The following SEZ6L variants were observed in gnomAD, a reference collection of about 807,000 sequenced individuals.
SEZ6L encodes seizure 6-like protein.
A neutral mutation model predicts 106.2 loss-of-function variants in SEZ6L; 37 were observed. The ratio of observed to expected loss-of-function variants is 0.35; its 90% CI spans 0.27 to 0.46. The LOEUF (loss-of-function observed/expected upper bound fraction) is 0.46, where lower values mean the gene tolerates loss of function less well. Ranked by LOEUF, SEZ6L falls within the 20% of genes least tolerant of loss-of-function variation. The pLI, the probability that SEZ6L is intolerant of heterozygous loss-of-function variation, is 1.00. For missense variants in SEZ6L, 1,172 were observed against 1,332.8 expected, an observed-to-expected ratio of 0.88 and a Z score of 1.88; for synonymous variants, 541 against 570.4, an observed-to-expected ratio of 0.95 and a Z score of 0.73.
Position 26,284,624 on chromosome 22 carries a change from A to C in SEZ6L, c.95-7782A>C, listed in dbSNP as rs2080875452. ...GACTCCAAAAAAAAAAAAAAAAAAA[A>C]AAAAAAAACCCTAATGACGGTTTAA... On this transcript the variant is annotated intron_variant, in intron 1 of 16. Coordinates refer to ENST00000248933, the MANE Select transcript of SEZ6L (RefSeq NM_021115.5). Among the ~76,000 whole-genome samples, 3 of 137,766 alleles carry C rather than the reference A, an allele frequency of 2.2e-5. 1 individual carries two copies. Among genetic ancestry groups the C allele is most frequent in the South Asian group, 2.2e-4 (1 of 4,570 alleles). The allele number at this position is 137,766 out of a possible 152,430, so 90.4% of individuals were successfully genotyped here. A position where few individuals can be genotyped will look rare whatever the true frequency, so the allele number is the denominator to read the frequency against.
intron 1 of SEZ6L, among the ~76,000 whole-genome samples, chr22:26,289,117 A>T (rs891141506): frequency 2.0e-5 from 3 of 152,194 alleles, no homozygotes; most frequent in African/African-American, 7.2e-5. Context: ...AGAGAAGAGG[A>T]GACCCATGCA....
intron 1 of SEZ6L, among the ~76,000 whole-genome samples, chr22:26,277,248 G>C (rs2080579275): frequency 6.6e-6 from 1 of 152,046 alleles, no homozygotes; most frequent in Admixed American, 6.5e-5. Context: ...ACAGGTGTGA[G>C]CCACTGCACC....
intron 12 of SEZ6L, chr22:26,351,548 G>GTTTGTTT (rs1569475128): frequency 2.0e-4 from 44 of 224,470 alleles, no homozygotes; most frequent in African/African-American, 7.3e-4. Context: ...TTTGTTTGTT[G>GTTTGTTT]GTTGGTTGGT....
At chr22:26,199,279 C>T (rs1394072920) in intron 1 of SEZ6L, among the ~76,000 whole-genome samples, 2 of 152,158 alleles carry the variant, frequency 1.3e-5, no homozygotes, top group Non-Finnish European at 2.9e-5. Flanking sequence ...GAACCCAGGG[C>T]CTGTTGCTTA....
chr22:26,202,220 G>C (rs1025124784), intron 1 of SEZ6L, among the ~76,000 whole-genome samples: 1 of 152,122 alleles, frequency 6.6e-6, no homozygotes, highest in East Asian at 1.9e-4. Context: ...GGCCAAGTCA[G>C]ATTTTTTTAT....
intron 1 of SEZ6L, among the ~76,000 whole-genome samples, chr22:26,279,371 G>A (rs1257215719): frequency 6.6e-6 from 1 of 152,158 alleles, no homozygotes; most frequent in African/African-American, 2.4e-5. Flanking sequence ...AGGAAGAGGA[G>A]GGCTGGGGAT....
intron 9 of SEZ6L, among the ~76,000 whole-genome samples, chr22:26,336,356 G>T (rs1271664965): frequency 6.6e-6 from 1 of 152,174 alleles, no homozygotes; most frequent in African/African-American, 2.4e-5. Context: ...AAAATGCACA[G>T]TGAAACCTGC....
At chr22:26,329,523 A>C (rs2082417882) in intron 9 of SEZ6L, among the ~76,000 whole-genome samples, 1 of 152,242 alleles carries the variant, frequency 6.6e-6, no homozygotes, top group Non-Finnish European at 1.5e-5. Context: ...GTGTCCTATT[A>C]GGGAGCCAAA....
chr22:26,347,691 A>T (rs781230029), intron 10 of SEZ6L, 28 bp from the exon 11 acceptor site: 1 of 1,581,868 alleles, frequency 6.3e-7, no homozygotes, highest in South Asian at 1.2e-5. Context: ...TGCTTCCCCC[A>T]TCTAAGACTG....
chr22:26,302,782 C>A (rs2081496284), intron 5 of SEZ6L, among the ~76,000 whole-genome samples: 1 of 152,168 alleles, frequency 6.6e-6, no homozygotes, highest in Non-Finnish European at 1.5e-5. Context: ...GGATGGGGAG[C>A]CACGGCTGGC....
At position 26,377,782 on chromosome 22, in the gene SEZ6L, T is replaced by C. The variant is rs1215828478; in HGVS notation, c.3045+7T>C. The C allele has an allele frequency of 6.3e-7, 1 of 1,591,238 alleles. No homozygotes were observed. The highest frequency in any genetic ancestry group is 8.6e-7 in the Non-Finnish European group (1 of 1,159,304). ...CCCCATTTACGAGACAGGGGTGAGT[T>C]GGTCTCTCTCGTCTCTTCCCAATTC... is the stretch of plus-strand genomic sequence containing the variant. On this transcript the variant is annotated splice_region_variant and intron_variant, in intron 16 of 16. Transcript: ENST00000248933.
At chr22:26,349,619 G>GC (rs2083204841) in intron 11 of SEZ6L, among the ~76,000 whole-genome samples, 2 of 152,212 alleles carry the variant, frequency 1.3e-5, no homozygotes, top group Admixed American at 1.3e-4. Flanking sequence ...TCCCACCACA[G>GC]CCCCCCAAAA....
chr22:26,283,056 GACT>G (rs1231194855), intron 1 of SEZ6L, among the ~76,000 whole-genome samples: 1 of 152,056 alleles, frequency 6.6e-6, no homozygotes, highest in African/African-American at 2.4e-5. Context: ...GAGTAGCTGG[GACT>G]ACTACAGGTG....
At chr22:26,314,304 A>G (rs6005007) in intron 9 of SEZ6L, among the ~76,000 whole-genome samples, 37,728 of 152,218 alleles carry the variant, frequency 0.25, 5,883 homozygotes, top group African/African-American at 0.44. Flanking sequence ...AGGATCTGAT[A>G]CTAAAGCTCA....
intron 1 of SEZ6L, among the ~76,000 whole-genome samples, chr22:26,284,764 GA>G (rs2080883854): frequency 6.6e-6 from 1 of 152,070 alleles, no homozygotes; most frequent in Non-Finnish European, 1.5e-5. Context: ...TTAATTTTTT[GA>G]ATAAACTATT....
chr22:26,225,305 C>G (rs2078603938), intron 1 of SEZ6L, among the ~76,000 whole-genome samples: 2 of 152,166 alleles, frequency 1.3e-5, no homozygotes, highest in South Asian at 4.1e-4. Flanking sequence ...CTTGCCTCCC[C>G]CTAATCAATG....
intron 1 of SEZ6L, among the ~76,000 whole-genome samples, chr22:26,285,891 C>T (rs771327316): frequency 3.3e-5 from 5 of 152,172 alleles, no homozygotes; most frequent in African/African-American, 7.2e-5. Flanking sequence ...TCTGGACAAC[C>T]GCTTCCCCTC....
chr22:26,200,961 C>T (rs1940903408), intron 1 of SEZ6L, among the ~76,000 whole-genome samples: 1 of 152,110 alleles, frequency 6.6e-6, no homozygotes, highest in Non-Finnish European at 1.5e-5. Flanking sequence ...CAGTCAAAAC[C>T]CCATGCAGAA....
chr22:26,305,840 G>T, intron 5 of SEZ6L, 139 bp from the exon 6 acceptor site: 1 of 890,248 alleles, frequency 1.1e-6, no homozygotes. Flanking sequence ...TTTCATCCTG[G>T]GCAAGGGGCA....
Sources: gnomAD v4.1 joint callset for allele counts (sites outside exome capture counted in the v4.1 genomes callset) on GRCh38, gnomAD v4.1.1 for gene constraint, MANE v1.5 for transcripts, NCBI Gene and HGNC (gene_info 2026-07-23, HGNC 2026-07-21) for gene names.